BAIAP2L2: variants seen among roughly 807,000 people sequenced by gnomAD.
BAIAP2L2 encodes BAR/IMD domain containing adaptor protein 2 like 2.
A neutral mutation model predicts 60.4 loss-of-function variants in BAIAP2L2; 65 were observed. The observed-to-expected ratio is 1.08, with a 90% CI of 0.88 to 1.32. The LOEUF (loss-of-function observed/expected upper bound fraction) is 1.32. Ranked by LOEUF, BAIAP2L2 falls within the 40% of genes most tolerant of loss-of-function variation. BAIAP2L2 has a pLI of 0.00. For missense variants in BAIAP2L2, 836 were observed against 741.2 expected (o/e 1.13, Z -1.48); for synonymous variants, 344 against 301.7 (o/e 1.14, Z -1.45).
Position 38,088,910 on chromosome 22 carries a change from C to T in BAIAP2L2, c.956G>A (p.Arg319His), listed in dbSNP as rs764049790. The T allele has an allele frequency of 6.4e-7, 1 of 1,559,150 alleles. No homozygotes were observed. Among genetic ancestry groups the T allele is most frequent in the Non-Finnish European group, 8.6e-7 (1 of 1,160,018 alleles). Residue 319 changes from arginine to histidine, a missense_variant, in exon 10 of 14, where the codon CGC becomes CAC. By Grantham distance (29) the Arg-to-His change is conservative (BLOSUM62 0). Coordinates refer to ENST00000381669, the MANE Select transcript of BAIAP2L2 (RefSeq NM_025045.6). ...CCTGGCGCCCCCGCCGCCGCCCGGG[C>T]GCTCGCCAAAGGAGTTGGAGCGCGA... The part of the protein sequence containing the change: ...QSSRSNSFGE[R>H]PGGGGGARRV...
intron 5 of BAIAP2L2, 46 bp from the exon 6 acceptor site, chr22:38,098,225 G>C (rs1387075768): frequency 6.3e-7 from 1 of 1,593,666 alleles, no homozygotes; most frequent in East Asian, 2.2e-5. Context: ...CCACATCAGA[G>C]AGCTCAAGAC....
chr22:38,099,020 C>G (rs565789751), intron 4 of BAIAP2L2, among the ~76,000 whole-genome samples: 1 of 152,354 alleles, frequency 6.6e-6, no homozygotes, highest in East Asian at 1.9e-4. Context: ...GGGCACAGCC[C>G]AGCAAAAACA....
chr22:38,103,075 G>T lies in BAIAP2L2; in HGVS notation c.277-4593C>A, dbSNP rs554283312. ...TTAAAAAAAAAAAAAAATTAGCCAG[G>T]CACGGTGGCATTTTCTTATAGTCCC... On this transcript the variant is annotated intron_variant, in intron 4 of 13. Coordinates refer to ENST00000381669, the MANE Select transcript of BAIAP2L2 (RefSeq NM_025045.6). 2.6e-5 allele frequency among the ~76,000 whole-genome samples: 4 copies of T among 151,826 alleles called. No individual in the cohort carries two copies. The South Asian group carries it at 8.3e-4, about 32-fold the overall frequency.
chr22:38,089,854 A>T (rs112701598), intron 7 of BAIAP2L2, among the ~76,000 whole-genome samples, 180 bp from the exon 8 acceptor site: 4 of 152,000 alleles, frequency 2.6e-5, no homozygotes, highest in Non-Finnish European at 1.5e-5. Context: ...ACTTTTGGCA[A>T]AGGCACCTCC....
intron 1 of BAIAP2L2, among the ~76,000 whole-genome samples, chr22:38,110,058 A>G (rs1234949844): frequency 3.9e-5 from 1 of 25,964 alleles, no homozygotes; most frequent in South Asian, 3.4e-3. Flanking sequence ...ACAGAGAGAG[A>G]GAGAGAGACA....
intron 4 of BAIAP2L2, among the ~76,000 whole-genome samples, chr22:38,099,739 T>G (rs1001641771): frequency 6.6e-6 from 1 of 151,960 alleles, no homozygotes; most frequent in Non-Finnish European, 1.5e-5. Context: ...AAGAGGTGCT[T>G]CCCCAACCCC....
At chr22:38,090,129 T>TTTTTTA (rs2086260025) in intron 7 of BAIAP2L2, 1 of 113,750 alleles carries the variant, frequency 8.8e-6, no homozygotes, top group East Asian at 2.2e-4. Context: ...TTTTTTTTTT[T>TTTTTTA]AGACGGAGTC....
At chr22:38,089,843 T>C (rs1389989703) in intron 7 of BAIAP2L2, among the ~76,000 whole-genome samples, 169 bp from the exon 8 acceptor site, 1 of 152,080 alleles carries the variant, frequency 6.6e-6, no homozygotes, top group Non-Finnish European at 1.5e-5. Context: ...CCGCACCCTC[T>C]ACTTTTGGCA....
At position 38,089,226 on chromosome 22, in the gene BAIAP2L2, C is replaced by G; in HGVS notation, c.771G>C (p.Pro257=). ...GGGAGCTGAACTCTCCCAGGGGCCT[C>G]GGGGGCTGCGGGGGAGATGGGCAGG... ...RLTPTCLDMP[P]RPLGEFSSPR... The change falls in exon 9 of 14, where the codon CCG becomes CCC. Residue 257 remains proline, a synonymous_variant. Coordinates refer to ENST00000381669, the MANE Select transcript of BAIAP2L2 (RefSeq NM_025045.6). The G allele has an allele frequency of 1.5e-6, 1 of 653,584 alleles. No individual in the cohort carries two copies. The highest frequency in any genetic ancestry group is 1.8e-6 in the Non-Finnish European group (1 of 567,086). 40.5% of individuals were successfully genotyped at this position (653,584 alleles called of 1,614,324 possible). A position where few individuals can be genotyped will look rare whatever the true frequency, so the allele number is the denominator to read the frequency against.
intron 1 of BAIAP2L2, among the ~76,000 whole-genome samples, 198 bp from the exon 2 acceptor site, chr22:38,109,406 C>T (rs2086743596): frequency 6.6e-6 from 1 of 152,114 alleles, no homozygotes; most frequent in African/African-American, 2.4e-5. Context: ...CAGAGCCCAT[C>T]TTTTGGGGTC....
chr22:38,090,118 T>TTTATTTTTTA (rs1555964443), intron 7 of BAIAP2L2: 1 of 123,086 alleles, frequency 8.1e-6, no homozygotes, highest in Non-Finnish European at 1.7e-5. Flanking sequence ...TTTTTTTTTT[T>TTTATTTTTTA]TTTTTTTTTT....
intron 7 of BAIAP2L2, among the ~76,000 whole-genome samples, chr22:38,092,984 T>C (rs980695826): frequency 2.0e-5 from 3 of 152,030 alleles, no homozygotes; most frequent in Non-Finnish European, 4.4e-5. Context: ...CTGGCCAACA[T>C]GGTGAAACCC....
chr22:38,107,972 C>T (rs2145635899), intron 3 of BAIAP2L2, 59 bp from the exon 4 acceptor site: 2 of 1,557,850 alleles, frequency 1.3e-6, no homozygotes, highest in East Asian at 2.3e-5. Flanking sequence ...GCCCACCCAC[C>T]ACCCTCTTCC....
chr22:38,098,065 T>C lies in BAIAP2L2; in HGVS notation c.463A>G (p.Lys155Glu). Residue 155 changes from lysine (K) to glutamate (E), a missense_variant and splice_region_variant, in exon 6 of 14, where the codon AAG becomes GAG. Coordinates refer to ENST00000381669, the MANE Select transcript of BAIAP2L2 (RefSeq NM_025045.6). ...CCCCCGCTTCCCGGCCCTCGCACCT[T>C]CATCTCCCGCACGTTCTTGTCTCTC... ...RKRDKNVREMKESVNRLHAQM... is the reference protein window; with the variant it reads ...RKRDKNVREMEESVNRLHAQM... 1.3e-6 allele frequency: 2 copies of C among 1,503,328 alleles called. No homozygotes were observed. Among genetic ancestry groups the C allele is most frequent in the Non-Finnish European group, 1.8e-6 (2 of 1,108,830 alleles). The allele number at this position is 1,503,328 out of a possible 1,614,324, so 93.1% of individuals were successfully genotyped here.
Position 38,089,172 on chromosome 22 carries a change from G to GTA in BAIAP2L2, c.823_824dup (p.Gly276ThrfsTer13), listed in dbSNP as rs776868698. On this transcript the variant is annotated frameshift_variant, in exon 9 of 14. Transcript: ENST00000381669. LOFTEE classifies it high-confidence loss of function. The stretch of plus-strand genomic sequence containing the variant: ...CGGGCCTCGCGTCGGGCTCGGTGCC[G>GTA]TAGGAGCCGGAGCCGTGCCGGCTGC... 2 of 1,327,940 alleles carry GTA rather than the reference G, an allele frequency of 1.5e-6. No homozygotes were observed. Among genetic ancestry groups the GTA allele is most frequent in the Non-Finnish European group, 1.9e-6 (2 of 1,043,136 alleles). 82.3% of individuals were successfully genotyped at this position (1,327,940 alleles called of 1,614,324 possible). A position where few individuals can be genotyped will look rare whatever the true frequency, so the allele number is the denominator to read the frequency against.
intron 5 of BAIAP2L2, 100 bp from the exon 6 acceptor site, chr22:38,098,279 G>T: frequency 6.8e-7 from 1 of 1,470,278 alleles, no homozygotes; most frequent in Non-Finnish European, 9.5e-7. Flanking sequence ...GAGACTTGGG[G>T]CTCAGCTGGG....
chr22:38,103,330 G>A (rs1365217783), intron 4 of BAIAP2L2, among the ~76,000 whole-genome samples: 1 of 152,156 alleles, frequency 6.6e-6, no homozygotes, highest in Non-Finnish European at 1.5e-5. Flanking sequence ...ATATAAATAT[G>A]TATCCATCTA....
Position 38,086,378 on chromosome 22 carries a change from G to A in BAIAP2L2, c.1331C>T (p.Ser444Leu), listed in dbSNP as rs553799224. 6.5e-5 allele frequency: 50 copies of A among 764,264 alleles called. No individual in the cohort carries two copies. In the East Asian group the frequency reaches 1.0e-3, roughly 15 times the overall value. 47.3% of individuals were successfully genotyped at this position (764,264 alleles called of 1,614,324 possible). A position where few individuals can be genotyped will look rare whatever the true frequency, so the allele number is the denominator to read the frequency against. ...GCGGGACTGGCCATCCCAGTACTCCGAGGGTGCTATGGAGTTGCCCGGCCG... is the reference window on the plus strand; with the variant it reads ...GCGGGACTGGCCATCCCAGTACTCCAAGGGTGCTATGGAGTTGCCCGGCCG... ...LDRPGNSIAP[S>L]EYWDGQSRSR... The change falls in exon 12 of 14, where the codon TCG becomes TTG. Residue 444 changes from serine (S) to leucine (L), a missense_variant. Coordinates refer to ENST00000381669, the MANE Select transcript of BAIAP2L2 (RefSeq NM_025045.6).
intron 7 of BAIAP2L2, among the ~76,000 whole-genome samples, chr22:38,094,873 C>T (rs1220800355): frequency 1.3e-5 from 2 of 151,770 alleles, no homozygotes; most frequent in Non-Finnish European, 2.9e-5. Flanking sequence ...AAGCCAGGAC[C>T]GGGCGTGGTG....
Sources: gnomAD v4.1 joint callset for allele counts (sites outside exome capture counted in the v4.1 genomes callset) on GRCh38, gnomAD v4.1.1 for gene constraint, MANE v1.5 for transcripts, NCBI Gene and HGNC (gene_info 2026-07-23, HGNC 2026-07-21) for gene names.